Variants in HCN1 observed in about 807,000 individuals in gnomAD.
HCN1 encodes potassium/sodium hyperpolarization-activated cyclic nucleotide-gated channel 1.
Under a neutral mutation model 78.9 loss-of-function variants are expected in HCN1, and 13 were observed. That is an observed-to-expected ratio of 0.16 (90% CI 0.11 to 0.26). The LOEUF (loss-of-function observed/expected upper bound fraction) is 0.26. Ranked by LOEUF, HCN1 falls within the 10% of genes least tolerant of loss-of-function variation. The pLI is 1.00. For synonymous variants in HCN1, 552 were observed against 455.5 expected (o/e 1.21, Z -2.70); for missense variants, 810 against 1,154.3 (o/e 0.70, Z 4.32).
At chr5:45,515,703 C>G (rs1473431784) in intron 2 of HCN1, among the ~76,000 whole-genome samples, 8 of 151,914 alleles carry the variant, frequency 5.3e-5, no homozygotes, top group African/African-American at 1.9e-4. Flanking sequence ...AATATAGACA[C>G]AGTTCACCTG....
intron 6 of HCN1, among the ~76,000 whole-genome samples, chr5:45,286,972 T>C (rs1339993887): frequency 1.3e-5 from 2 of 152,026 alleles, no homozygotes; most frequent in African/African-American, 2.4e-5. Flanking sequence ...AATTCAGCCA[T>C]GGAGAAGTGT....
In HCN1 at chr5:45,621,809, T is replaced by C. The variant is rs77475077; in HGVS notation, c.849+23376A>G. ...AGAATCAAAATACATTATTTGGCAA[T>C]ATAAGTGGATTTTTTAATAAATAGT... On this transcript the variant is annotated intron_variant, in intron 2 of 7. Transcript: ENST00000303230. Among the ~76,000 whole-genome samples the C allele has an allele frequency of 8.3e-4, 127 of 152,292 alleles. 1 individual carries two copies. In the East Asian group the frequency reaches 0.021, roughly 25 times the overall value.
chr5:45,453,601 T>A (rs1373613989), intron 3 of HCN1, among the ~76,000 whole-genome samples: 1 of 152,100 alleles, frequency 6.6e-6, no homozygotes, highest in Admixed American at 6.5e-5. Flanking sequence ...CTGGGGCTCA[T>A]GAAGTAGAAT....
intron 5 of HCN1, among the ~76,000 whole-genome samples, chr5:45,341,142 C>G (rs1162756323): frequency 6.6e-6 from 1 of 152,028 alleles, no homozygotes; most frequent in Non-Finnish European, 1.5e-5. Flanking sequence ...AAACAATGTC[C>G]TAAATGAATC....
chr5:45,355,945 A>T (rs1415522748), intron 4 of HCN1, among the ~76,000 whole-genome samples: 1 of 152,044 alleles, frequency 6.6e-6, no homozygotes, highest in Non-Finnish European at 1.5e-5. Context: ...ACAACACACT[A>T]AAAACAGGAG....
At chr5:45,351,335 G>A (rs1404106707) in intron 5 of HCN1, among the ~76,000 whole-genome samples, 1 of 138,616 alleles carries the variant, frequency 7.2e-6, no homozygotes, top group East Asian at 2.2e-4. Flanking sequence ...GTAGAAAGCT[G>A]AAACTGGATC....
intron 4 of HCN1, among the ~76,000 whole-genome samples, chr5:45,363,773 T>G (rs2111994721): frequency 6.6e-6 from 1 of 152,176 alleles, no homozygotes; most frequent in Middle Eastern, 3.4e-3. Context: ...TTTTGCTTCC[T>G]CCTCATTTTC....
At chr5:45,374,991 A>C (rs1463025966) in intron 4 of HCN1, among the ~76,000 whole-genome samples, 6 of 139,684 alleles carry the variant, frequency 4.3e-5, no homozygotes, top group African/African-American at 1.6e-4. Context: ...TAAGAACTTA[A>C]AACAGGATCA....
intron 4 of HCN1, among the ~76,000 whole-genome samples, chr5:45,384,964 T>C (rs996164842): frequency 2.6e-5 from 4 of 152,188 alleles, no homozygotes; most frequent in Admixed American, 6.5e-5. Flanking sequence ...AGTCTTCCTT[T>C]TTTCCAGAAC....
chr5:45,552,699 C>G (rs1041134870), intron 2 of HCN1, among the ~76,000 whole-genome samples: 5 of 151,878 alleles, frequency 3.3e-5, no homozygotes, highest in African/African-American at 7.3e-5. Flanking sequence ...TTTTACTCAT[C>G]CACTCAAAAA....
At chr5:45,639,607 T>G (rs1008183154) in intron 2 of HCN1, among the ~76,000 whole-genome samples, 48 of 152,304 alleles carry the variant, frequency 3.2e-4, no homozygotes, top group African/African-American at 1.1e-3. Flanking sequence ...TTTAAAATTG[T>G]AAAACACTGC....
chr5:45,543,779 C>T (rs1431143927), intron 2 of HCN1, among the ~76,000 whole-genome samples: 2 of 152,060 alleles, frequency 1.3e-5, no homozygotes, highest in African/African-American at 4.8e-5. Flanking sequence ...TCCTTCTATG[C>T]TCATACTGCT....
At chr5:45,374,443 G>A (rs1359974894) in intron 4 of HCN1, among the ~76,000 whole-genome samples, 2 of 148,294 alleles carry the variant, frequency 1.3e-5, no homozygotes, top group African/African-American at 4.9e-5. Flanking sequence ...TCCCAAGACT[G>A]AATCAAGAAG....
At chr5:45,582,979 CTCT>C (rs1235643922) in intron 2 of HCN1, among the ~76,000 whole-genome samples, 1 of 76,940 alleles carries the variant, frequency 1.3e-5, no homozygotes, top group East Asian at 3.6e-4. Context: ...GTCTAAAATT[CTCT>C]TTTTTTTTTT....
At chr5:45,540,866 G>C (rs576402231) in intron 2 of HCN1, among the ~76,000 whole-genome samples, 28 of 152,042 alleles carry the variant, frequency 1.8e-4, no homozygotes, top group Non-Finnish European at 2.9e-4. Flanking sequence ...TTAAATTCTA[G>C]TAGGCATTTT....
In HCN1 at chr5:45,258,811, G is replaced by A. The variant is rs988036392; in HGVS notation, c.*3110C>T. The A allele has an allele frequency of 1.2e-4, 18 of 151,560 alleles. No homozygotes were observed. Among genetic ancestry groups the A allele is most frequent in the African/African-American group, 4.1e-4 (17 of 41,292 alleles). 9.4% of individuals were successfully genotyped at this position (151,560 alleles called of 1,614,324 possible). On this transcript the variant is annotated 3_prime_UTR_variant, in exon 8 of 8. Transcript: ENST00000303230. Reference sequence around the variant, plus strand: ...CCCAAGGCCCTATTATAACAAAATAGGTATGTTATAAAACTATTATAACAA... The same window carrying A: ...CCCAAGGCCCTATTATAACAAAATAAGTATGTTATAAAACTATTATAACAA...
intron 2 of HCN1, among the ~76,000 whole-genome samples, chr5:45,544,285 T>A (rs1743163126): frequency 6.6e-6 from 1 of 152,090 alleles, no homozygotes; most frequent in South Asian, 2.1e-4. Context: ...CCTTAAGAAA[T>A]AAAAACCTAG....
intron 1 of HCN1, among the ~76,000 whole-genome samples, chr5:45,681,085 C>T (rs918831324): frequency 6.6e-6 from 1 of 152,080 alleles, no homozygotes; most frequent in African/African-American, 2.4e-5. Context: ...TTAAGGCAGA[C>T]CAATTGTGCA....
rs559008724 is a variant in HCN1 at position 45,595,348 on chromosome 5, T to C, written c.849+49837A>G. 2.0e-5 allele frequency among the ~76,000 whole-genome samples: 3 copies of C among 152,274 alleles called. No homozygotes were observed. The South Asian group carries it at 6.2e-4, about 32-fold the overall frequency. On this transcript the variant is annotated intron_variant, in intron 2 of 7. Coordinates refer to ENST00000303230, the MANE Select transcript of HCN1 (RefSeq NM_021072.4). ...ATTTGATGCTCAAACACCCTGTTTA[T>C]TTATTTAAAGACAGAGCCTTGCTCT...
Sources: allele counts gnomAD v4.1 joint callset (sites outside exome capture counted in the v4.1 genomes callset), GRCh38; gene constraint gnomAD v4.1.1; transcripts MANE v1.5; gene names NCBI Gene and HGNC (gene_info 2026-07-23, HGNC 2026-07-21).